Variants in PHLDB2 observed in about 807,000 individuals in gnomAD.
PHLDB2 encodes pleckstrin homology-like domain family B member 2.
PHLDB2 carries 71 observed loss-of-function variants against 123.6 expected under a neutral mutation model. The ratio of observed to expected loss-of-function variants is 0.57; its 90% CI spans 0.47 to 0.70. PHLDB2 has a LOEUF of 0.70. Ranked by LOEUF, PHLDB2 falls within the 30% of genes least tolerant of loss-of-function variation. The pLI is 0.00. For synonymous variants in PHLDB2, 547 were observed against 541.6 expected, an observed-to-expected ratio of 1.01 and a Z score of -0.14; for missense variants, 1,446 against 1,519.5, an observed-to-expected ratio of 0.95 and a Z score of 0.80.
intron 10 of PHLDB2, among the ~76,000 whole-genome samples, chr3:111,950,987 G>T (rs1193453042): frequency 6.6e-6 from 1 of 152,112 alleles, no homozygotes; most frequent in Non-Finnish European, 1.5e-5. Context: ...TTACAAACCT[G>T]CTGTTTTCTG....
intron 1 of PHLDB2, among the ~76,000 whole-genome samples, chr3:111,800,965 T>G (rs984681692): frequency 6.6e-6 from 1 of 152,142 alleles, no homozygotes; most frequent in Admixed American, 6.5e-5. Context: ...CATAGATCAT[T>G]TTGCAAGACT....
At position 111,908,324 on chromosome 3, in the gene PHLDB2, C is replaced by T. The variant is rs528878136; in HGVS notation, c.1336-4995C>T. On this transcript the variant is annotated intron_variant, in intron 2 of 17. Transcript: ENST00000431670. ...TCTTTAGTAGGATCCCTGAGTCCCT[C>T]ATCTCTAAGTTTTGGAAAAGTGTTC... 6.6e-5 allele frequency among the ~76,000 whole-genome samples: 10 copies of T among 152,280 alleles called. No individual in the cohort carries two copies. In the East Asian group the frequency reaches 1.9e-3, roughly 29 times the overall value.
At chr3:111,732,754 C>T in intron 1 of PHLDB2, 1 of 1,433,266 alleles carries the variant, frequency 7.0e-7, no homozygotes. Flanking sequence ...ACAAAATGAG[C>T]AGCATATACA....
Position 111,932,406 on chromosome 3 carries a change from C to G in PHLDB2, c.2130+9C>G. The stretch of plus-strand genomic sequence containing the variant: ...AACAACAACTGAAGAGGGTCAGTAG[C>G]AAACAGGAATGCACCAGTTATTTTG... On this transcript the variant is annotated intron_variant, in intron 6 of 17. Transcript: ENST00000431670. 1 of 1,545,070 alleles carries G rather than the reference C, an allele frequency of 6.5e-7. No individual in the cohort carries two copies. Among genetic ancestry groups the G allele is most frequent in the African/African-American group, 1.4e-5 (1 of 72,852 alleles).
intron 1 of PHLDB2, among the ~76,000 whole-genome samples, chr3:111,827,312 C>T (rs1342252244): frequency 1.3e-5 from 2 of 152,192 alleles, no homozygotes; most frequent in African/African-American, 2.4e-5. Flanking sequence ...GCTCCTACTG[C>T]CTCTGCAGCC....
chr3:111,856,369 T>C (rs572982012), upstream of PHLDB2, among the ~76,000 whole-genome samples: 1 of 152,348 alleles, frequency 6.6e-6, no homozygotes, highest in African/African-American at 2.4e-5. Context: ...ATTCTGCCTC[T>C]ACCAACTTAT....
upstream of PHLDB2, among the ~76,000 whole-genome samples, chr3:111,855,866 A>T (rs896538627): frequency 6.6e-6 from 1 of 151,840 alleles, no homozygotes; most frequent in Non-Finnish European, 1.5e-5. Flanking sequence ...TTCTAATCTC[A>T]AGCAATCCTG....
chr3:111,966,730 G>A (rs1322595296), intron 14 of PHLDB2, 27 bp downstream of exon 14: 1 of 1,590,792 alleles, frequency 6.3e-7, no homozygotes, highest in South Asian at 1.1e-5. Flanking sequence ...CATGCCGGAG[G>A]TCTGTGATAC....
intron 6 of PHLDB2, among the ~76,000 whole-genome samples, chr3:111,934,124 C>T (rs1361783317): frequency 6.6e-6 from 1 of 152,174 alleles, no homozygotes; most frequent in African/African-American, 2.4e-5. Context: ...GACTTCTTCC[C>T]TTTCCTCTCC....
chr3:111,822,505 G>C (rs2062448776), intron 1 of PHLDB2, among the ~76,000 whole-genome samples: 1 of 152,116 alleles, frequency 6.6e-6, no homozygotes. Flanking sequence ...TGTCAGAATT[G>C]AAAATCTCCT....
intron 8 of PHLDB2, among the ~76,000 whole-genome samples, chr3:111,943,199 A>T (rs1197016662): frequency 1.3e-5 from 2 of 152,224 alleles, no homozygotes; most frequent in East Asian, 3.8e-4. Flanking sequence ...TGTATATTAA[A>T]TAGATCAATG....
intron 1 of PHLDB2, among the ~76,000 whole-genome samples, chr3:111,816,084 C>T (rs1266139007): frequency 6.6e-6 from 1 of 152,208 alleles, no homozygotes; most frequent in Non-Finnish European, 1.5e-5. Flanking sequence ...TAGAACTTCC[C>T]CCTAGATTTC....
rs907110967 is a variant in PHLDB2 at position 111,788,512 on chromosome 3, A to C, written c.-49+55809A>C. Among the ~76,000 whole-genome samples, 9 of 152,340 alleles carry C rather than the reference A, an allele frequency of 5.9e-5. No individual in the cohort carries two copies. The East Asian group carries it at 9.6e-4, about 16-fold the overall frequency. ...CCTAAATGAAAAGAAGATCTTTATA[A>C]AGACCCTTTGTCTCTTCTCCTGTTT... is the stretch of plus-strand genomic sequence containing the variant. On this transcript the variant is annotated intron_variant, in intron 1 of 17. Transcript: ENST00000393923.
intron 1 of PHLDB2, among the ~76,000 whole-genome samples, chr3:111,879,501 A>G (rs2065829742): frequency 1.3e-5 from 2 of 152,028 alleles, no homozygotes. Flanking sequence ...GAGGAGGAGG[A>G]AGAGGAGGAG....
At chr3:111,789,019 G>T (rs1194739599) in intron 1 of PHLDB2, among the ~76,000 whole-genome samples, 6 of 152,288 alleles carry the variant, frequency 3.9e-5, no homozygotes, top group Middle Eastern at 3.4e-3. Flanking sequence ...GCTATATTAT[G>T]TTCTTCTCCC....
chr3:111,885,761 T>G (rs767853252), intron 2 of PHLDB2: 28 of 600,306 alleles, frequency 4.7e-5, no homozygotes, highest in Non-Finnish European at 6.5e-5. Flanking sequence ...CTGACTTGTA[T>G]TATTTATATC....
chr3:111,758,330 C>T lies in PHLDB2; in HGVS notation c.-49+25627C>T, dbSNP rs550988094. Among the ~76,000 whole-genome samples the T allele has an allele frequency of 1.2e-3, 185 of 152,314 alleles. 4 individuals carry two copies. The South Asian group carries it at 0.037, about 30-fold the overall frequency. Reference sequence around the variant, plus strand: ...ATGGTGGGTGCCCCTCCCCCAGCCTCGCTGCCACCTTGCAGTTTGATCTCA... The same window carrying T: ...ATGGTGGGTGCCCCTCCCCCAGCCTTGCTGCCACCTTGCAGTTTGATCTCA... On this transcript the variant is annotated intron_variant, in intron 1 of 17. Coordinates refer to the PHLDB2 transcript ENST00000393923.
chr3:111,825,061 G>T (rs556979949), intron 1 of PHLDB2, among the ~76,000 whole-genome samples: 6 of 152,262 alleles, frequency 3.9e-5, no homozygotes, highest in African/African-American at 1.4e-4. Context: ...AAACCCCTGA[G>T]AAGAAATTTT....
Position 111,920,354 on chromosome 3 carries a change from A to G in PHLDB2, c.1936A>G (p.Ile646Val), listed in dbSNP as rs1559903918. ...AACTGAACTTATGAAGGAGAAGGAG[A>G]TTTTGGATCATCTAAACCGGAAAAT... ...ETTELMKEKE[I>V]LDHLNRKIAE... The change falls in exon 5 of 18, where the codon ATT (isoleucine) becomes GTT (valine). Residue 646 changes from isoleucine to valine, a missense_variant. Ile to Val is a conservative substitution (Grantham distance 29). This residue lies in a region of PHLDB2 where 832 missense variants were observed against 831.9 expected (regional missense o/e 1.00). Transcript: ENST00000431670. 1 of 1,614,054 alleles carries G rather than the reference A, an allele frequency of 6.2e-7. No individual in the cohort carries two copies. Among genetic ancestry groups the G allele is most frequent in the East Asian group, 2.2e-5 (1 of 44,884 alleles).
Sources: allele counts gnomAD v4.1 joint callset (sites outside exome capture counted in the v4.1 genomes callset), GRCh38; gene constraint gnomAD v4.1.1; regional missense constraint gnomAD v4.1.1; transcripts MANE v1.5; gene names NCBI Gene and HGNC (gene_info 2026-07-23, HGNC 2026-07-21).